Variants in CDH8 observed in about 807,000 individuals in gnomAD.
CDH8 encodes cadherin-8.
In CDH8, 17 loss-of-function variants were observed where a neutral mutation model predicts 68.1. The observed-to-expected ratio is 0.25, with a 90% CI of 0.17 to 0.37. CDH8 has a LOEUF of 0.37. Among genes scored for constraint, CDH8 ranks in the 10% least tolerant of loss-of-function variants. CDH8 has a pLI of 1.00. For missense variants in CDH8, 763 were observed against 999.3 expected, an observed-to-expected ratio of 0.76 and a Z score of 3.19; for synonymous variants, 372 against 365.1, an observed-to-expected ratio of 1.02 and a Z score of -0.21.
At chr16:61,967,353 A>G (rs2150574808) in intron 2 of CDH8, among the ~76,000 whole-genome samples, 1 of 152,332 alleles carries the variant, frequency 6.6e-6, no homozygotes, top group Non-Finnish European at 1.5e-5. Context: ...CAGTACCACC[A>G]CATTTCCTCC....
intron 4 of CDH8, among the ~76,000 whole-genome samples, chr16:61,831,671 TA>T (rs1221979690): frequency 6.6e-6 from 1 of 151,826 alleles, no homozygotes. Flanking sequence ...TTTCTTTTTA[TA>T]ATTTCTGTGA....
chr16:61,921,470 C>T (rs528532868), intron 2 of CDH8, among the ~76,000 whole-genome samples: 8 of 152,178 alleles, frequency 5.3e-5, no homozygotes, highest in Admixed American at 2.0e-4. Flanking sequence ...CATAGTTACC[C>T]ACATCAAAAT....
At chr16:61,824,949 T>C (rs1962295183) in intron 5 of CDH8, 63 bp downstream of exon 5, 1 of 1,376,686 alleles carries the variant, frequency 7.3e-7, no homozygotes, top group African/African-American at 1.5e-5. Context: ...CTAAAAATTA[T>C]AATATAAATT....
intron 3 of CDH8, among the ~76,000 whole-genome samples, chr16:61,892,028 T>C (rs1963787490): frequency 6.6e-6 from 1 of 152,188 alleles, no homozygotes; most frequent in South Asian, 2.1e-4. Flanking sequence ...TTTAAACCTA[T>C]GTGACACAAA....
chr16:61,658,669 G>A (rs1045661676), intron 10 of CDH8, among the ~76,000 whole-genome samples: 7 of 151,922 alleles, frequency 4.6e-5, no homozygotes, highest in African/African-American at 1.7e-4. Context: ...GTTGGTTACA[G>A]CATTTTCTCA....
chr16:61,910,049 T>A (rs898074392), intron 2 of CDH8, among the ~76,000 whole-genome samples: 2 of 152,272 alleles, frequency 1.3e-5, no homozygotes, highest in Non-Finnish European at 1.5e-5. Flanking sequence ...CTCATTTTTT[T>A]ATAAAAAATA....
chr16:61,772,884 T>A (rs56870607), intron 8 of CDH8, among the ~76,000 whole-genome samples: 3,949 of 152,126 alleles, frequency 0.026, 159 homozygotes, highest in African/African-American at 0.09. Context: ...TCCTTTCCTA[T>A]TCTCTATGTC....
At chr16:61,707,512 T>G (rs1354430872) in intron 10 of CDH8, among the ~76,000 whole-genome samples, 1 of 152,170 alleles carries the variant, frequency 6.6e-6, no homozygotes, top group Non-Finnish European at 1.5e-5. Flanking sequence ...GACAATTTTT[T>G]TCATGTTTAT....
chr16:61,832,020 G>T (rs1263765412), intron 4 of CDH8, among the ~76,000 whole-genome samples: 1 of 151,518 alleles, frequency 6.6e-6, no homozygotes, highest in Non-Finnish European at 1.5e-5. Context: ...TAAGTGGGGG[G>T]GTCATGTACT....
intron 3 of CDH8, among the ~76,000 whole-genome samples, chr16:61,881,812 C>T (rs1308592774): frequency 2.0e-5 from 3 of 152,190 alleles, no homozygotes; most frequent in Non-Finnish European, 4.4e-5. Flanking sequence ...ATTGTAACCC[C>T]TTCTGGCTTC....
At chr16:62,016,195 C>T (rs997080934) in intron 2 of CDH8, among the ~76,000 whole-genome samples, 7 of 152,158 alleles carry the variant, frequency 4.6e-5, no homozygotes, top group African/African-American at 1.7e-4. Context: ...AAGAGAACCA[C>T]ATTCCTTCAT....
chr16:61,720,020 CA>C (rs1959205404), intron 9 of CDH8, among the ~76,000 whole-genome samples: 1 of 150,906 alleles, frequency 6.6e-6, no homozygotes, highest in African/African-American at 2.4e-5. Flanking sequence ...CACACACACA[CA>C]CACCAAACCA....
At chr16:61,947,006 T>C (rs1964812728) in intron 2 of CDH8, among the ~76,000 whole-genome samples, 1 of 152,180 alleles carries the variant, frequency 6.6e-6, no homozygotes, top group African/African-American at 2.4e-5. Flanking sequence ...GTTATCTGTT[T>C]CCTGTGTAAA....
chr16:61,694,545 G>C (rs983079501), intron 10 of CDH8, among the ~76,000 whole-genome samples: 3 of 151,946 alleles, frequency 2.0e-5, no homozygotes, highest in Non-Finnish European at 4.4e-5. Flanking sequence ...GAGGCTGATG[G>C]GCTTCGGTCA....
chr16:61,668,433 C>T (rs4438299), intron 10 of CDH8, among the ~76,000 whole-genome samples: 17,327 of 151,880 alleles, frequency 0.11, 990 homozygotes, highest in Non-Finnish European at 0.12. Context: ...TTTATTCCAC[C>T]TCAGGCATTG....
chr16:61,985,918 C>CTTTTT (rs71134380), intron 2 of CDH8, among the ~76,000 whole-genome samples: 239 of 91,100 alleles, frequency 2.6e-3, no homozygotes, highest in Middle Eastern at 0.025. Context: ...CCTTTCTTTA[C>CTTTTT]TTTTTTTTTT....
rs889527873 is a variant in CDH8, at chr16:62,013,124, G to A, written c.252+8028C>T. Among the ~76,000 whole-genome samples the A allele has an allele frequency of 4.8e-5, 4 of 83,232 alleles. 1 individual carries two copies. The Admixed American group carries it at 5.3e-4, about 11-fold the overall frequency. 54.6% of individuals were successfully genotyped at this position (83,232 alleles called of 152,430 possible). ...CAAAAAATTAGCCGGGCGCGGTGGCGGGCGCCTGTAGTCCCAGCTACTGGG... is the reference window on the plus strand; with the variant it reads ...CAAAAAATTAGCCGGGCGCGGTGGCAGGCGCCTGTAGTCCCAGCTACTGGG... On this transcript the variant is annotated intron_variant, in intron 2 of 11. Transcript: ENST00000577390.
intron 2 of CDH8, among the ~76,000 whole-genome samples, chr16:61,993,423 G>A (rs1965760723): frequency 6.6e-6 from 1 of 151,954 alleles, no homozygotes; most frequent in Non-Finnish European, 1.5e-5. Context: ...GGGTTCAAGT[G>A]ATTCTCCTGC....
At chr16:61,774,592 T>A (rs1014410755) in intron 8 of CDH8, among the ~76,000 whole-genome samples, 4 of 151,924 alleles carry the variant, frequency 2.6e-5, no homozygotes, top group Admixed American at 6.6e-5. Flanking sequence ...CAATTAATAG[T>A]GTCTGTTTGG....
Sources: allele counts gnomAD v4.1 joint callset (sites outside exome capture counted in the v4.1 genomes callset), GRCh38; gene constraint gnomAD v4.1.1; transcripts MANE v1.5; gene names NCBI Gene and HGNC (gene_info 2026-07-23, HGNC 2026-07-21).